Variants in APBB1IP observed in about 807,000 individuals in gnomAD.
The protein encoded by APBB1IP is amyloid beta precursor protein binding family B member 1 interacting protein.
Under a neutral mutation model 64.9 loss-of-function variants are expected in APBB1IP, and 27 were observed. That is an observed-to-expected ratio of 0.42 (90% confidence interval 0.31 to 0.57). The LOEUF (loss-of-function observed/expected upper bound fraction) is 0.57. APBB1IP is among the 20% of genes least tolerant of loss of function. APBB1IP has a pLI of 0.20. For synonymous variants in APBB1IP, 392 were observed against 331.0 expected (o/e 1.18, Z -2.00); for missense variants, 812 against 845.5 (o/e 0.96, Z 0.49).
intron 2 of APBB1IP, among the ~76,000 whole-genome samples, chr10:26,442,794 A>G (rs1835350916): frequency 6.6e-6 from 1 of 152,150 alleles, no homozygotes; most frequent in Admixed American, 6.5e-5. Flanking sequence ...TTCCAATAAC[A>G]TTTCCCCATT....
Position 26,438,368 on chromosome 10 carries a change from C to A in APBB1IP, c.-290C>A, listed in dbSNP as rs1482688735. On this transcript the variant is annotated 5_prime_UTR_variant, in exon 1 of 15. Coordinates refer to ENST00000376236, the MANE Select transcript of APBB1IP (RefSeq NM_019043.4). Reference sequence around the variant, plus strand: ...TCTTTGGTGGAACCATCACTAGGCCCCAATCCCTTAGTCCCTCTTGCGTCG... The same window carrying A: ...TCTTTGGTGGAACCATCACTAGGCCACAATCCCTTAGTCCCTCTTGCGTCG... 1.3e-5 allele frequency: 2 copies of A among 152,206 alleles called. No homozygotes were observed. The allele number at this position is 152,206 out of a possible 1,614,324, so 9.4% of individuals were successfully genotyped here.
chr10:26,534,509 T>A (rs1449079566), intron 9 of APBB1IP, among the ~76,000 whole-genome samples: 2 of 152,114 alleles, frequency 1.3e-5, no homozygotes, highest in Non-Finnish European at 2.9e-5. Flanking sequence ...GGTGATGCCC[T>A]CGGCATCCGG....
At chr10:26,465,298 T>C (rs924767787) in intron 2 of APBB1IP, among the ~76,000 whole-genome samples, 6 of 152,218 alleles carry the variant, frequency 3.9e-5, no homozygotes, top group African/African-American at 1.4e-4. Context: ...CTTCATTGCT[T>C]CATGAATGTG....
At chr10:26,442,448 T>C (rs946909899) in intron 2 of APBB1IP, among the ~76,000 whole-genome samples, 31 of 152,340 alleles carry the variant, frequency 2.0e-4, no homozygotes, top group African/African-American at 7.2e-4. Flanking sequence ...CTTTTTGATT[T>C]AGTTTCATGT....
intron 8 of APBB1IP, among the ~76,000 whole-genome samples, chr10:26,530,615 A>G (rs949964823): frequency 2.6e-5 from 4 of 151,644 alleles, no homozygotes; most frequent in Non-Finnish European, 5.9e-5. Context: ...GCTTGAACCC[A>G]GGAGTTGGAG....
intron 11 of APBB1IP, among the ~76,000 whole-genome samples, chr10:26,553,385 C>T (rs1207577197): frequency 6.6e-6 from 1 of 152,088 alleles, no homozygotes; most frequent in Non-Finnish European, 1.5e-5. Context: ...GGCACAGTGG[C>T]CTACACCTGT....
intron 9 of APBB1IP, among the ~76,000 whole-genome samples, chr10:26,535,869 A>G (rs1836616055): frequency 1.3e-5 from 2 of 152,186 alleles, no homozygotes; most frequent in African/African-American, 4.8e-5. Context: ...CTTGAGGTCT[A>G]ACTCAGGAGC....
intron 14 of APBB1IP, among the ~76,000 whole-genome samples, chr10:26,565,658 A>T (rs985200747): frequency 6.6e-6 from 1 of 152,226 alleles, no homozygotes; most frequent in African/African-American, 2.4e-5. Context: ...TAAAAGCCAG[A>T]CTCAAGAGAT....
At chr10:26,539,471 A>AAAGGGAGG (rs1413961925) in intron 10 of APBB1IP, among the ~76,000 whole-genome samples, 3 of 151,184 alleles carry the variant, frequency 2.0e-5, no homozygotes, top group Non-Finnish European at 4.4e-5. Flanking sequence ...AGAAAGGAAG[A>AAAGGGAGG]AAGGGAGGAA....
chr10:26,523,456 CCTTA>C (rs541987474), intron 8 of APBB1IP, among the ~76,000 whole-genome samples: 110 of 152,296 alleles, frequency 7.2e-4, no homozygotes, highest in Admixed American at 1.9e-3. Context: ...GGCCTTTGAG[CCTTA>C]CCCTGGGGCA....
chr10:26,563,881 C>T (rs78140933), intron 14 of APBB1IP, among the ~76,000 whole-genome samples: 13,955 of 151,878 alleles, frequency 0.092, 853 homozygotes, highest in Non-Finnish European at 0.13. Flanking sequence ...TCTCCTCATG[C>T]GATGTGCTTT....
In APBB1IP at chr10:26,508,989, A is replaced by T. The variant is rs558217771; in HGVS notation, c.532-2758A>T. On this transcript the variant is annotated intron_variant, in intron 6 of 14. Coordinates refer to ENST00000376236, the MANE Select transcript of APBB1IP (RefSeq NM_019043.4). Reference sequence around the variant, plus strand: ...AAACATCATTAATCTTTCCATCAGGAACATTAAATTTTCTAAGCCTTAACA... The same window carrying T: ...AAACATCATTAATCTTTCCATCAGGTACATTAAATTTTCTAAGCCTTAACA... Among the ~76,000 whole-genome samples the T allele has an allele frequency of 7.2e-5, 11 of 152,338 alleles. No homozygotes were observed. The South Asian group carries it at 2.3e-3, about 32-fold the overall frequency.
chr10:26,489,658 G>T lies in APBB1IP; in HGVS notation c.1-2669G>T, dbSNP rs80304636. Among the ~76,000 whole-genome samples the T allele has an allele frequency of 3.0e-3, 462 of 152,306 alleles. 3 individuals carry two copies. Among genetic ancestry groups the T allele is most frequent in the African/African-American group, 9.7e-3 (404 of 41,570 alleles). ...TAGAACAGCTCTTGCAAAAGAGTTAGTGCCAGATAAGTATTATTGTTATCA... is the reference window on the plus strand; with the variant it reads ...TAGAACAGCTCTTGCAAAAGAGTTATTGCCAGATAAGTATTATTGTTATCA... On this transcript the variant is annotated intron_variant, in intron 2 of 14. Coordinates refer to ENST00000376236, the MANE Select transcript of APBB1IP (RefSeq NM_019043.4).
At chr10:26,466,375 G>A (rs1262946091) in intron 2 of APBB1IP, among the ~76,000 whole-genome samples, 1 of 152,168 alleles carries the variant, frequency 6.6e-6, no homozygotes, top group Non-Finnish European at 1.5e-5. Flanking sequence ...ACTTCTTAAT[G>A]GGAGAAGTGT....
intron 4 of APBB1IP, among the ~76,000 whole-genome samples, chr10:26,499,097 T>C (rs1836064844): frequency 6.6e-6 from 1 of 151,874 alleles, no homozygotes. Flanking sequence ...GACCACTGTC[T>C]CTACAAAAAA....
At chr10:26,511,621 T>C (rs1372161594) in intron 6 of APBB1IP, 126 bp from the exon 7 acceptor site, 17 of 1,132,766 alleles carry the variant, frequency 1.5e-5, no homozygotes, top group Non-Finnish European at 1.9e-5. Flanking sequence ...TTAGTTTAGA[T>C]GGAGCAAGTT....
chr10:26,453,986 A>G (rs545940526), intron 2 of APBB1IP, among the ~76,000 whole-genome samples: 2 of 152,228 alleles, frequency 1.3e-5, no homozygotes, highest in Non-Finnish European at 2.9e-5. Context: ...TGAATGGGTA[A>G]AGAAAATATG....
At chr10:26,458,705 C>T (rs1025154238) in intron 2 of APBB1IP, among the ~76,000 whole-genome samples, 1 of 151,808 alleles carries the variant, frequency 6.6e-6, no homozygotes, top group Admixed American at 6.6e-5. Flanking sequence ...AAAATTAAGG[C>T]CATATTTCAC....
chr10:26,530,369 T>C (rs994265844), intron 8 of APBB1IP, among the ~76,000 whole-genome samples: 3 of 151,840 alleles, frequency 2.0e-5, no homozygotes, highest in Non-Finnish European at 2.9e-5. Flanking sequence ...GGCTCTGTAC[T>C]TAAGAGTATT....
Sources: gnomAD v4.1 joint callset for allele counts (sites outside exome capture counted in the v4.1 genomes callset) on GRCh38, gnomAD v4.1.1 for gene constraint, MANE v1.5 for transcripts, NCBI Gene and HGNC (gene_info 2026-07-23, HGNC 2026-07-21) for gene names.